The following PRKCH variants were observed in gnomAD, a reference collection of about 807,000 sequenced individuals.
The protein encoded by PRKCH is protein kinase C eta, also known as protein kinase C eta type.
PRKCH carries 28 observed loss-of-function variants against 82.5 expected under a neutral mutation model. The observed-to-expected ratio is 0.34, with a 90% confidence interval of 0.25 to 0.47. The LOEUF (loss-of-function observed/expected upper bound fraction) is 0.47, where lower values mean the gene tolerates loss of function less well. Ranked by LOEUF, PRKCH falls within the 20% of genes least tolerant of loss-of-function variation. PRKCH has a pLI of 1.00. For missense variants in PRKCH, 705 were observed against 881.8 expected (o/e 0.80, Z 2.54); for synonymous variants, 322 against 327.4 (o/e 0.98, Z 0.18).
chr14:61,209,169 C>T, intron 1 of PRKCH, among the ~76,000 whole-genome samples: 1 of 152,232 alleles, frequency 6.6e-6, no homozygotes, highest in East Asian at 1.9e-4. Context: ...AGCCCAAAGG[C>T]CCTTGCCAGA....
chr14:61,192,422 G>C (rs1450256852), intron 1 of PRKCH, among the ~76,000 whole-genome samples: 1 of 152,174 alleles, frequency 6.6e-6, no homozygotes, highest in Non-Finnish European at 1.5e-5. Flanking sequence ...AGATGGTGTA[G>C]GTAAATCTCC....
At chr14:61,269,715 C>T (rs1478792831) in intron 1 of PRKCH, among the ~76,000 whole-genome samples, 1 of 152,096 alleles carries the variant, frequency 6.6e-6, no homozygotes, top group Non-Finnish European at 1.5e-5. Flanking sequence ...TGCATTAGAC[C>T]CAAAGGTAAT....
chr14:61,442,703 C>T (rs1350987669), intron 2 of PRKCH: 5 of 154,806 alleles, frequency 3.2e-5, no homozygotes, highest in Non-Finnish European at 7.2e-5. Context: ...GGCCAAGACA[C>T]AAGGATCACC....
intron 12 of PRKCH, 65 bp from the exon 13 acceptor site, chr14:61,547,675 CCTG>C: frequency 2.6e-6 from 4 of 1,547,122 alleles, no homozygotes; most frequent in Non-Finnish European, 3.5e-6. Flanking sequence ...ATGGCTGATG[CCTG>C]CTGTCTTGTG....
At chr14:61,394,128 C>G (rs2046730926) in intron 2 of PRKCH, among the ~76,000 whole-genome samples, 1 of 152,128 alleles carries the variant, frequency 6.6e-6, no homozygotes, top group Non-Finnish European at 1.5e-5. Flanking sequence ...ATAGTTTTCT[C>G]CACTCCTTTC....
At chr14:61,223,100 T>C (rs1450261996) in intron 1 of PRKCH, among the ~76,000 whole-genome samples, 1 of 152,194 alleles carries the variant, frequency 6.6e-6, no homozygotes, top group East Asian at 1.9e-4. Flanking sequence ...TGAAATCCAA[T>C]TCTCCATAAG....
intron 1 of PRKCH, among the ~76,000 whole-genome samples, chr14:61,245,011 G>C (rs888798451): frequency 2.2e-4 from 34 of 152,142 alleles, no homozygotes; most frequent in African/African-American, 8.0e-4. Context: ...GAGGCACAGC[G>C]TGTGGCTGTT....
Position 61,445,715 on chromosome 14 carries a change from A to T in PRKCH, c.602A>T (p.Tyr201Phe). The T allele has an allele frequency of 6.2e-7, 1 of 1,609,868 alleles. No homozygotes were observed. The change falls in exon 4 of 14, where the codon TAT becomes TTT. Residue 201 changes from tyrosine (Y) to phenylalanine (F), a missense_variant. Coordinates refer to ENST00000332981, the MANE Select transcript of PRKCH (RefSeq NM_006255.5). ...AGGGGAGTGTTTGGGAAACAGGGTT[A>T]TCAGTGCCAAGGTAAGGAAACATTT... ...FIWGVFGKQG[Y>F]QCQVCTCVVH...
chr14:61,530,062 T>A (rs1319584047), intron 11 of PRKCH, among the ~76,000 whole-genome samples: 1 of 152,180 alleles, frequency 6.6e-6, no homozygotes, highest in East Asian at 1.9e-4. Flanking sequence ...AAAGAAAGGC[T>A]CTTGAATCCT....
chr14:61,492,385 C>T (rs1288123873), intron 10 of PRKCH: 1 of 152,190 alleles, frequency 6.6e-6, no homozygotes, highest in Non-Finnish European at 1.5e-5. Flanking sequence ...CCAGAGGAGA[C>T]CTCAAACGTT....
At chr14:61,220,051 C>T (rs372811220) in intron 1 of PRKCH, among the ~76,000 whole-genome samples, 24 of 152,160 alleles carry the variant, frequency 1.6e-4, no homozygotes, top group East Asian at 1.5e-3. Context: ...TCCAGCTCAG[C>T]GGTTCATGGG....
In PRKCH at chr14:61,471,813, G is replaced by A. The variant is rs559924711; in HGVS notation, c.1279-13689G>A. On this transcript the variant is annotated intron_variant, in intron 9 of 13. Coordinates refer to ENST00000332981, the MANE Select transcript of PRKCH (RefSeq NM_006255.5). ...TCCAGTTATAACAACCAAACATATCGCCAGACATTGGTTCCCAGGGGGGAA... is the reference window on the plus strand; with the variant it reads ...TCCAGTTATAACAACCAAACATATCACCAGACATTGGTTCCCAGGGGGGAA... 4.7e-4 allele frequency among the ~76,000 whole-genome samples: 72 copies of A among 152,078 alleles called. No homozygotes were observed. The Middle Eastern group carries it at 0.01, about 22-fold the overall frequency.
chr14:61,288,335 T>C (rs1594893062), intron 1 of PRKCH, among the ~76,000 whole-genome samples: 1 of 152,190 alleles, frequency 6.6e-6, no homozygotes, highest in Non-Finnish European at 1.5e-5. Context: ...ACTCAAGCGA[T>C]CCTCCTGCCT....
At position 61,498,941 on chromosome 14, in the gene PRKCH, T is replaced by C. The variant is rs146299347; in HGVS notation, c.1433+13285T>C. 4.6e-5 allele frequency among the ~76,000 whole-genome samples: 7 copies of C among 152,312 alleles called. No homozygotes were observed. The East Asian group carries it at 1.3e-3, about 29-fold the overall frequency. ...CATGTTTTGCAGCTACTTGGTTTGA[T>C]AGTGCCAAATCTACCCGGAAATGAT... On this transcript the variant is annotated intron_variant, in intron 10 of 13. Transcript: ENST00000332981.
chr14:61,284,491 A>G (rs1453274330), intron 1 of PRKCH, among the ~76,000 whole-genome samples: 4 of 152,204 alleles, frequency 2.6e-5, no homozygotes, highest in Non-Finnish European at 5.9e-5. Flanking sequence ...GGGGTGTTAA[A>G]GATCTTGGAG....
At chr14:61,290,299 G>T (rs953804096) in intron 1 of PRKCH, among the ~76,000 whole-genome samples, 8 of 140,202 alleles carry the variant, frequency 5.7e-5, no homozygotes, top group Admixed American at 4.2e-4. Context: ...CTCAAAAAAA[G>T]AAAAAAAAAA....
chr14:61,538,593 T>C (rs1445775085), intron 12 of PRKCH, among the ~76,000 whole-genome samples: 1 of 152,232 alleles, frequency 6.6e-6, no homozygotes, highest in Non-Finnish European at 1.5e-5. Context: ...GTCTCATTTA[T>C]CTCCATCCCT....
At chr14:61,495,079 G>A (rs148692954) in intron 10 of PRKCH, among the ~76,000 whole-genome samples, 66 of 152,238 alleles carry the variant, frequency 4.3e-4, no homozygotes, top group African/African-American at 1.5e-3. Context: ...TACGCCTTCT[G>A]GTATTAAAGC....
intron 1 of PRKCH, among the ~76,000 whole-genome samples, chr14:61,364,719 G>A (rs1294936018): frequency 1.3e-5 from 2 of 151,960 alleles, no homozygotes; most frequent in Non-Finnish European, 2.9e-5. Flanking sequence ...TGTGCCTGTA[G>A]TCCCAGGTAC....
Sources: gnomAD v4.1 joint callset for allele counts (sites outside exome capture counted in the v4.1 genomes callset) on GRCh38, gnomAD v4.1.1 for gene constraint, MANE v1.5 for transcripts, NCBI Gene and HGNC (gene_info 2026-07-23, HGNC 2026-07-21) for gene names.